MTMR6: variants seen among roughly 807,000 people sequenced by gnomAD.
The protein encoded by MTMR6 is myotubularin related protein 6, also known as phosphatidylinositol-3,5-bisphosphate 3-phosphatase MTMR6.
A neutral mutation model predicts 80.1 loss-of-function variants in MTMR6; 47 were observed. That is an observed-to-expected ratio of 0.59 (90% CI 0.46 to 0.75). MTMR6 has a LOEUF of 0.75. Among genes scored for constraint, MTMR6 ranks in the 30% least tolerant of loss-of-function variants. The pLI is 0.00. For missense variants in MTMR6, 629 were observed against 730.9 expected (o/e 0.86, Z 1.61); for synonymous variants, 254 against 253.0 (o/e 1.00, Z -0.04).
intron 1 of MTMR6, 132 bp downstream of exon 1, chr13:25,287,092 C>A (rs955672203): frequency 7.4e-7 from 1 of 1,354,182 alleles, no homozygotes. Context: ...CTGGCCAGAC[C>A]CTCCCGCCCC....
intron 2 of MTMR6, among the ~76,000 whole-genome samples, chr13:25,269,149 G>A (rs1957514720): frequency 6.6e-6 from 1 of 152,148 alleles, no homozygotes; most frequent in Non-Finnish European, 1.5e-5. Flanking sequence ...GACCTTGGGG[G>A]TGGCATGGTG....
intron 1 of MTMR6, among the ~76,000 whole-genome samples, chr13:25,280,790 A>G (rs983160951): frequency 6.6e-6 from 1 of 152,254 alleles, no homozygotes; most frequent in Non-Finnish European, 1.5e-5. Context: ...TGGGAAAAGA[A>G]AGAACAAACG....
intron 1 of MTMR6, among the ~76,000 whole-genome samples, chr13:25,279,082 A>G (rs1369788645): frequency 6.6e-6 from 1 of 152,216 alleles, no homozygotes. Flanking sequence ...TAAGGACAAT[A>G]ATCTCTTTTC....
At chr13:25,276,315 T>G (rs1326500404) in intron 1 of MTMR6, among the ~76,000 whole-genome samples, 2 of 152,200 alleles carry the variant, frequency 1.3e-5, no homozygotes, top group African/African-American at 4.8e-5. Context: ...TCAACACTAC[T>G]CAAGCAAATA....
chr13:25,285,022 A>T (rs1285777281), intron 1 of MTMR6, among the ~76,000 whole-genome samples: 1 of 151,144 alleles, frequency 6.6e-6, no homozygotes, highest in Non-Finnish European at 1.5e-5. Context: ...TTAATAGACA[A>T]TTCATCAGAA....
At chr13:25,262,463 G>A (rs951491009) in intron 5 of MTMR6, among the ~76,000 whole-genome samples, 5 of 152,124 alleles carry the variant, frequency 3.3e-5, no homozygotes, top group African/African-American at 9.7e-5. Context: ...GACCTCCTGG[G>A]CTCAAGCAAT....
In MTMR6 at chr13:25,274,185, G is replaced by A. The variant is rs746300978; in HGVS notation, c.27C>T (p.Val9=). 13 of 1,570,810 alleles carry A rather than the reference G, an allele frequency of 8.3e-6. No individual in the cohort carries two copies. The highest frequency in any genetic ancestry group is 5.8e-5 in the South Asian group (5 of 86,888). ...ATCGGTCAAGTAATTTTACTTGTTC[G>A]ACCTAAAAGAAAAAAAGATATTATT... MEHIRTTK[V]EQVKLLDRFS... is the part of the protein sequence containing the mutation. The change falls in exon 2 of 14, where the codon GTC becomes GTT. Residue 9 remains valine, a splice_region_variant and synonymous_variant. Coordinates refer to ENST00000381801, the MANE Select transcript of MTMR6 (RefSeq NM_004685.5).
At chr13:25,278,760 CTG>C (rs1329760863) in intron 1 of MTMR6, among the ~76,000 whole-genome samples, 5 of 149,602 alleles carry the variant, frequency 3.3e-5, no homozygotes, top group Non-Finnish European at 7.4e-5. Flanking sequence ...TGGTGCACAC[CTG>C]TAATCCCAGC....
intron 1 of MTMR6, among the ~76,000 whole-genome samples, chr13:25,279,196 G>A (rs879043784): frequency 1.3e-5 from 2 of 152,158 alleles, no homozygotes; most frequent in Admixed American, 1.3e-4. Context: ...CATGTGTGCA[G>A]GAAGTGACCT....
At position 25,278,099 on chromosome 13, in the gene MTMR6, T is replaced by G. The variant is rs116264450; in HGVS notation, c.25-3912A>C. 3.5e-3 allele frequency among the ~76,000 whole-genome samples: 526 copies of G among 152,322 alleles called. 9 individuals carry two copies. Among genetic ancestry groups the G allele is most frequent in the African/African-American group, 0.012 (507 of 41,572 alleles). On this transcript the variant is annotated intron_variant, in intron 1 of 13. Coordinates refer to ENST00000381801, the MANE Select transcript of MTMR6 (RefSeq NM_004685.5). Reference sequence around the variant, plus strand: ...AGGAGATGGAGACTAAGAATCCGTATTTTTCATAAGTTCACCTGCTCATCT... The same window carrying G: ...AGGAGATGGAGACTAAGAATCCGTAGTTTTCATAAGTTCACCTGCTCATCT...
intron 3 of MTMR6, among the ~76,000 whole-genome samples, chr13:25,267,458 T>C (rs1262159221): frequency 6.6e-6 from 1 of 152,174 alleles, no homozygotes; most frequent in Non-Finnish European, 1.5e-5. Context: ...TTCTCTTTGA[T>C]TGTGAAATAC....
chr13:25,271,926 T>A (rs1957586110), intron 2 of MTMR6, among the ~76,000 whole-genome samples: 2 of 152,308 alleles, frequency 1.3e-5, no homozygotes, highest in African/African-American at 4.8e-5. Flanking sequence ...CTCTACTTGA[T>A]ATCAAAATTT....
At chr13:25,286,239 A>T (rs1566046544) in intron 1 of MTMR6, among the ~76,000 whole-genome samples, 1 of 152,370 alleles carries the variant, frequency 6.6e-6, no homozygotes, top group East Asian at 1.9e-4. Context: ...AAAAATTTTT[A>T]AAAACACAAA....
At chr13:25,262,737 C>G (rs1172881710) in intron 5 of MTMR6, among the ~76,000 whole-genome samples, 1 of 152,178 alleles carries the variant, frequency 6.6e-6, no homozygotes, top group African/African-American at 2.4e-5. Context: ...CAATGGAAAA[C>G]AAAAATACAT....
Position 25,261,746 on chromosome 13 carries a change from C to T in MTMR6, c.648G>A (p.Glu216=), listed in dbSNP as rs140010252. 259 of 1,613,754 alleles carry T rather than the reference C, an allele frequency of 1.6e-4. No homozygotes were observed. In the African/African-American group the frequency reaches 3.2e-3, roughly 20 times the overall value. The part of the protein sequence containing the change: ...PLSGFSARCL[E]DEHLLQAISK... ...TAATGGCTTGAAGCAAATGTTCATC[C>T]TCCAGGCACCTGGCACTGAATCCAG... Residue 216 remains glutamate, a synonymous_variant, in exon 6 of 14, where the codon GAG becomes GAA. Coordinates refer to ENST00000381801, the MANE Select transcript of MTMR6 (RefSeq NM_004685.5).
intron 11 of MTMR6, among the ~76,000 whole-genome samples, chr13:25,253,008 C>T (rs557076804): frequency 3.9e-5 from 6 of 152,072 alleles, no homozygotes; most frequent in African/African-American, 1.4e-4. Context: ...CTCTTTATTG[C>T]CTACTGTAAG....
At chr13:25,254,752 T>C (rs897123061) in intron 9 of MTMR6, among the ~76,000 whole-genome samples, 3 of 152,104 alleles carry the variant, frequency 2.0e-5, no homozygotes, top group African/African-American at 7.2e-5. Flanking sequence ...AGATGATATA[T>C]CATAGGAAAA....
At chr13:25,263,541 T>C (rs972036242) in intron 5 of MTMR6, among the ~76,000 whole-genome samples, 1 of 152,188 alleles carries the variant, frequency 6.6e-6, no homozygotes. Flanking sequence ...ACTATACACA[T>C]TGGGACCAAA....
At chr13:25,274,945 C>CACACACACACACACACAA (rs1957676343) in intron 1 of MTMR6, among the ~76,000 whole-genome samples, 1 of 125,006 alleles carries the variant, frequency 8.0e-6, no homozygotes, top group Non-Finnish European at 1.7e-5. Context: ...GACAGACACA[C>CACACACACACACACACAA]ACACACACAC....
Sources: gnomAD v4.1 joint callset for allele counts (sites outside exome capture counted in the v4.1 genomes callset) on GRCh38, gnomAD v4.1.1 for gene constraint, MANE v1.5 for transcripts, NCBI Gene and HGNC (gene_info 2026-07-23, HGNC 2026-07-21) for gene names.